Variants in TEAD1 observed in about 807,000 individuals in gnomAD.
The protein encoded by TEAD1 is TEA domain transcription factor 1.
In TEAD1, 9 loss-of-function variants were observed where a neutral mutation model predicts 54.9. The observed-to-expected ratio is 0.16, with a 90% CI of 0.10 to 0.29. The LOEUF is 0.29. Ranked by LOEUF, TEAD1 falls within the 10% of genes least tolerant of loss-of-function variation. The pLI is 1.00. For synonymous variants in TEAD1, 200 were observed against 187.8 expected (o/e 1.07, Z -0.53); for missense variants, 387 against 535.9 (o/e 0.72, Z 2.74).
chr11:12,809,399 G>T (rs1411849276), intron 3 of TEAD1, among the ~76,000 whole-genome samples: 1 of 152,230 alleles, frequency 6.6e-6, no homozygotes, highest in Non-Finnish European at 1.5e-5. Context: ...CAGGGAGCAT[G>T]TTAAGGGTAA....
At chr11:12,715,090 A>C (rs1333469956) in intron 2 of TEAD1, among the ~76,000 whole-genome samples, 1 of 152,022 alleles carries the variant, frequency 6.6e-6, no homozygotes, top group Non-Finnish European at 1.5e-5. Flanking sequence ...AAACACAAAA[A>C]TCTCTACCCT....
At chr11:12,877,393 C>T (rs1947873607) in intron 5 of TEAD1, among the ~76,000 whole-genome samples, 1 of 152,208 alleles carries the variant, frequency 6.6e-6, no homozygotes, top group Non-Finnish European at 1.5e-5. Context: ...TGGCTTACGC[C>T]TGTAATCCCA....
At position 12,745,017 on chromosome 11, in the gene TEAD1, G is replaced by A. The variant is rs190839127; in HGVS notation, c.-54-19162G>A. ...GGAAGGTTACCTGTGGCTCTCCAGG[G>A]CTCGGCTAATTTTAAACCTGGTCAG... is the stretch of plus-strand genomic sequence containing the variant. On this transcript the variant is annotated intron_variant, in intron 2 of 12. Transcript: ENST00000527636. Among the ~76,000 whole-genome samples the A allele has an allele frequency of 3.3e-5, 5 of 152,234 alleles. No individual in the cohort carries two copies. The East Asian group carries it at 9.7e-4, about 29-fold the overall frequency.
At chr11:12,772,389 T>C (rs1231945230) in intron 3 of TEAD1, among the ~76,000 whole-genome samples, 1 of 152,078 alleles carries the variant, frequency 6.6e-6, no homozygotes, top group Non-Finnish European at 1.5e-5. Flanking sequence ...CAGAAGAGAC[T>C]TTAAAGGGAA....
In TEAD1 at chr11:12,937,217, G is replaced by A. The variant is rs1322436915; in HGVS notation, c.1276G>A (p.Asp426Asn). ...ACATCATATTTACAGGCTTGTAAAG[G>A]ACTGAACATGGTTATTTATATATAT... The change falls in exon 13 of 13, where the codon GAC becomes AAC. Residue 426 changes from aspartate to asparagine, a missense_variant. Physicochemically the swap from Asp to Asn is conservative, Grantham distance 23 (BLOSUM62 1). Around this residue, in one of 5 missense-constraint regions of TEAD1, gnomAD observed 123 missense variants for 199.0 expected, o/e 0.62. Transcript: ENST00000527636. 1 of 1,605,862 alleles carries A rather than the reference G, an allele frequency of 6.2e-7. No homozygotes were observed. Among genetic ancestry groups the A allele is most frequent in the East Asian group, 2.2e-5 (1 of 44,806 alleles).
chr11:12,881,795 C>A, intron 7 of TEAD1, 101 bp from the exon 8 acceptor site: 1 of 1,204,454 alleles, frequency 8.3e-7, no homozygotes, highest in Non-Finnish European at 1.2e-6. Flanking sequence ...GGGACCACAG[C>A]GGTGAAGGAC....
chr11:12,926,500 G>A (rs943775893), intron 11 of TEAD1, among the ~76,000 whole-genome samples: 1 of 152,174 alleles, frequency 6.6e-6, no homozygotes, highest in African/African-American at 2.4e-5. Flanking sequence ...CACATTTTAT[G>A]CTTGGAAGGA....
At chr11:12,709,646 C>T (rs910823264) in intron 2 of TEAD1, among the ~76,000 whole-genome samples, 2 of 152,146 alleles carry the variant, frequency 1.3e-5, no homozygotes, top group African/African-American at 4.8e-5. Flanking sequence ...CCCCAAGTAG[C>T]TAGAACTACA....
At chr11:12,790,796 A>G (rs563229068) in intron 3 of TEAD1, among the ~76,000 whole-genome samples, 1 of 152,212 alleles carries the variant, frequency 6.6e-6, no homozygotes, top group Non-Finnish European at 1.5e-5. Flanking sequence ...GGGAAATGCA[A>G]ATTAAAACCC....
chr11:12,924,781 A>T, intron 10 of TEAD1, 131 bp from the exon 11 acceptor site: 2 of 1,118,226 alleles, frequency 1.8e-6, no homozygotes, highest in Non-Finnish European at 2.7e-6. Flanking sequence ...ACTTGTTTCT[A>T]GATGAGCATC....
At position 12,937,471 on chromosome 11, in the gene TEAD1, TTC is replaced by T. The variant is rs537595685; in HGVS notation, c.*251_*252del. 250 of 366,678 alleles carry T rather than the reference TTC, an allele frequency of 6.8e-4. 1 individual carries two copies. In the East Asian group the frequency reaches 0.012, roughly 17 times the overall value. The allele number at this position is 366,678 out of a possible 1,614,324, so 22.7% of individuals were successfully genotyped here. A position where few individuals can be genotyped will look rare whatever the true frequency, so the allele number is the denominator to read the frequency against. On this transcript the variant is annotated 3_prime_UTR_variant, in exon 13 of 13. Transcript: ENST00000527636. The stretch of plus-strand genomic sequence containing the variant: ...AGAGAAATTGAGTTGTTTCTCTATG[TTC>T]TTCAGATGTGCAGCCCACAATTCCT...
intron 10 of TEAD1, among the ~76,000 whole-genome samples, chr11:12,908,785 A>C (rs919507344): frequency 2.0e-5 from 3 of 152,034 alleles, no homozygotes; most frequent in Non-Finnish European, 4.4e-5. Flanking sequence ...ATACATATTT[A>C]TGTAGTTTTG....
At chr11:12,844,602 A>G (rs899025028) in intron 3 of TEAD1, among the ~76,000 whole-genome samples, 3 of 152,150 alleles carry the variant, frequency 2.0e-5, no homozygotes, top group Non-Finnish European at 2.9e-5. Flanking sequence ...CTCCACAGCA[A>G]TATGGCAGTG....
chr11:12,857,433 CGTG>C (rs1023320794), intron 3 of TEAD1, among the ~76,000 whole-genome samples: 11 of 152,056 alleles, frequency 7.2e-5, no homozygotes, highest in African/African-American at 2.7e-4. Context: ...ACTGGACAGG[CGTG>C]GTGTAAGGCA....
chr11:12,767,112 C>G (rs996741258), intron 3 of TEAD1, among the ~76,000 whole-genome samples: 6 of 152,138 alleles, frequency 3.9e-5, no homozygotes, highest in African/African-American at 1.4e-4. Context: ...GGAGCTGCCT[C>G]TGACCTGCCT....
intron 2 of TEAD1, among the ~76,000 whole-genome samples, chr11:12,680,413 C>T (rs988777855): frequency 1.3e-5 from 2 of 152,230 alleles, no homozygotes; most frequent in Non-Finnish European, 2.9e-5. Context: ...TGCTCTGGCA[C>T]TTAAGAACCG....
At chr11:12,873,001 A>C (rs940092261) in intron 5 of TEAD1, among the ~76,000 whole-genome samples, 13 of 152,198 alleles carry the variant, frequency 8.5e-5, no homozygotes, top group Non-Finnish European at 1.3e-4. Context: ...TTAGAGTCAC[A>C]AGTCTGAAGT....
chr11:12,859,359 A>G (rs1229727343), intron 3 of TEAD1, among the ~76,000 whole-genome samples: 1 of 150,398 alleles, frequency 6.6e-6, no homozygotes, highest in East Asian at 1.9e-4. Context: ...AATTGTATGT[A>G]ATACAGAGCC....
At chr11:12,777,072 C>T (rs772359138) in intron 3 of TEAD1, among the ~76,000 whole-genome samples, 3 of 152,046 alleles carry the variant, frequency 2.0e-5, no homozygotes, top group South Asian at 2.1e-4. Flanking sequence ...GGATTACAGG[C>T]GTGAACCACC....
Sources: gnomAD v4.1 joint callset for allele counts (sites outside exome capture counted in the v4.1 genomes callset) on GRCh38, gnomAD v4.1.1 for gene constraint, gnomAD v4.1.1 regional missense constraint, MANE v1.5 for transcripts, NCBI Gene and HGNC (gene_info 2026-07-23, HGNC 2026-07-21) for gene names.